The following RBMS3 variants were observed in gnomAD, a reference collection of about 807,000 sequenced individuals.
RBMS3 encodes the protein RNA binding motif single stranded interacting protein 3.
Under a neutral mutation model 66.8 loss-of-function variants are expected in RBMS3, and 27 were observed. The observed-to-expected ratio is 0.40, with a 90% CI of 0.30 to 0.56. RBMS3 has a LOEUF of 0.56. Ranked by LOEUF, RBMS3 falls within the 20% of genes least tolerant of loss-of-function variation. The pLI is 0.40. For synonymous variants in RBMS3, 188 were observed against 183.0 expected, an observed-to-expected ratio of 1.03 and a Z score of -0.22; for missense variants, 513 against 549.5, an observed-to-expected ratio of 0.93 and a Z score of 0.66.
At chr3:29,891,588 T>C (rs1440638754) in intron 8 of RBMS3, among the ~76,000 whole-genome samples, 1 of 151,518 alleles carries the variant, frequency 6.6e-6, no homozygotes, top group African/African-American at 2.4e-5. Flanking sequence ...GTGGGAAATA[T>C]TCCCTCCCAT....
chr3:29,791,240 T>C (rs1052396632), intron 6 of RBMS3, among the ~76,000 whole-genome samples: 7 of 152,226 alleles, frequency 4.6e-5, no homozygotes, highest in African/African-American at 1.7e-4. Context: ...TAGAAATGCA[T>C]TTCCATTTCC....
At chr3:29,662,412 C>G (rs2050588014) in intron 4 of RBMS3, among the ~76,000 whole-genome samples, 1 of 152,102 alleles carries the variant, frequency 6.6e-6, no homozygotes, top group Non-Finnish European at 1.5e-5. Flanking sequence ...TGAGCATCAC[C>G]TTATATATGT....
chr3:29,349,212 T>G (rs2036761848), intron 1 of RBMS3, among the ~76,000 whole-genome samples: 1 of 152,088 alleles, frequency 6.6e-6, no homozygotes, highest in Admixed American at 6.5e-5. Flanking sequence ...GATCTACTCC[T>G]AAAATTCTCT....
chr3:29,609,492 A>G (rs764457886), intron 4 of RBMS3, among the ~76,000 whole-genome samples: 6 of 152,032 alleles, frequency 3.9e-5, no homozygotes, highest in Admixed American at 1.3e-4. Context: ...GGGAGGGTTC[A>G]GTCAGCAGCT....
intron 1 of RBMS3, among the ~76,000 whole-genome samples, chr3:29,294,029 G>A (rs2033044215): frequency 6.6e-6 from 1 of 151,514 alleles, no homozygotes; most frequent in Non-Finnish European, 1.5e-5. Flanking sequence ...TCATATTTGT[G>A]TCAGAGTTAG....
chr3:29,457,587 T>C (rs1386757574), intron 2 of RBMS3, among the ~76,000 whole-genome samples: 1 of 152,126 alleles, frequency 6.6e-6, no homozygotes, highest in Non-Finnish European at 1.5e-5. Context: ...CTGGGCGTAG[T>C]GGTGCATGCT....
intron 9 of RBMS3, among the ~76,000 whole-genome samples, chr3:29,898,736 CGT>C (rs3072651): frequency 0.011 from 1,545 of 142,484 alleles, 16 homozygotes; most frequent in African/African-American, 0.026. Flanking sequence ...TTGTAATGTG[CGT>C]GTGTGTGTGT....
intron 6 of RBMS3, among the ~76,000 whole-genome samples, chr3:29,862,681 T>C (rs997434209): frequency 1.3e-5 from 2 of 151,604 alleles, no homozygotes; most frequent in African/African-American, 4.8e-5. Flanking sequence ...CCCTTAGAAG[T>C]GACGAGAGTG....
intron 1 of RBMS3, among the ~76,000 whole-genome samples, chr3:29,293,568 T>A (rs2032996599): frequency 6.6e-6 from 1 of 151,816 alleles, no homozygotes; most frequent in African/African-American, 2.4e-5. Flanking sequence ...TTGTTATTAT[T>A]CGTGGTCCAT....
chr3:29,597,959 C>T (rs750144136), intron 4 of RBMS3, among the ~76,000 whole-genome samples: 1 of 151,934 alleles, frequency 6.6e-6, no homozygotes, highest in Non-Finnish European at 1.5e-5. Context: ...TTGATGAGAC[C>T]AGCACAAAAT....
intron 1 of RBMS3, among the ~76,000 whole-genome samples, chr3:29,315,274 A>C (rs964942718): frequency 1.3e-5 from 2 of 151,766 alleles, no homozygotes; most frequent in Non-Finnish European, 2.9e-5. Flanking sequence ...ATTTAACTAC[A>C]GAATAATATT....
chr3:29,916,957 G>T (rs1295326942), intron 10 of RBMS3, among the ~76,000 whole-genome samples: 2 of 151,922 alleles, frequency 1.3e-5, no homozygotes, highest in Non-Finnish European at 2.9e-5. Flanking sequence ...CAATGAAAAA[G>T]TTCATATTAT....
intron 4 of RBMS3, among the ~76,000 whole-genome samples, chr3:29,703,051 G>T (rs1344161916): frequency 1.3e-5 from 2 of 152,210 alleles, no homozygotes; most frequent in Non-Finnish European, 2.9e-5. Context: ...TGCAGACGAT[G>T]TTTTGAGCTA....
chr3:29,323,348 T>C (rs1251673344), intron 1 of RBMS3, among the ~76,000 whole-genome samples: 3 of 152,168 alleles, frequency 2.0e-5, no homozygotes, highest in African/African-American at 7.2e-5. Context: ...TGCAGAATTA[T>C]CTACAACCAC....
At chr3:29,492,853 T>A (rs143753987) in intron 3 of RBMS3, among the ~76,000 whole-genome samples, 15 of 152,294 alleles carry the variant, frequency 9.8e-5, no homozygotes, top group African/African-American at 3.4e-4. Flanking sequence ...ACCCCTGAAG[T>A]AGCAAACATT....
chr3:29,710,484 C>T (rs534108839), intron 4 of RBMS3, among the ~76,000 whole-genome samples: 4 of 152,258 alleles, frequency 2.6e-5, no homozygotes, highest in African/African-American at 9.6e-5. Flanking sequence ...AAGTAATTTA[C>T]CAAAGGTCAC....
chr3:29,355,835 T>C (rs1051784644), intron 1 of RBMS3, among the ~76,000 whole-genome samples: 8 of 152,138 alleles, frequency 5.3e-5, no homozygotes, highest in Non-Finnish European at 1.0e-4. Context: ...CTTATGTTTC[T>C]GGTTCAGTGA....
intron 6 of RBMS3, among the ~76,000 whole-genome samples, chr3:29,782,318 C>G (rs2056664535): frequency 6.6e-6 from 1 of 152,196 alleles, no homozygotes; most frequent in African/African-American, 2.4e-5. Context: ...GTGCTGGTAT[C>G]CAGAGCTACA....
chr3:29,824,291 GA>G (rs1218597372), intron 6 of RBMS3, among the ~76,000 whole-genome samples: 1 of 152,002 alleles, frequency 6.6e-6, no homozygotes, highest in Admixed American at 6.6e-5. Flanking sequence ...CCCATGTGAT[GA>G]CCCTGTGAGA....
Sources: allele counts gnomAD v4.1 joint callset (sites outside exome capture counted in the v4.1 genomes callset), GRCh38; gene constraint gnomAD v4.1.1; transcripts MANE v1.5; gene names NCBI Gene and HGNC (gene_info 2026-07-23, HGNC 2026-07-21).